GALNT13: variants seen among roughly 807,000 people sequenced by gnomAD.
GALNT13 encodes UDP-GalNAc:polypeptide N-acetylgalactosaminyltransferase 13.
GALNT13 carries 28 observed loss-of-function variants against 64.2 expected under a neutral mutation model. The observed-to-expected ratio is 0.44, with a 90% CI of 0.32 to 0.60. The LOEUF (loss-of-function observed/expected upper bound fraction) is 0.60, where lower values mean the gene tolerates loss of function less well. Among genes scored for constraint, GALNT13 ranks in the 20% least tolerant of loss-of-function variants. The pLI, the probability that GALNT13 is intolerant of heterozygous loss-of-function variation, is 0.05. For synonymous variants in GALNT13, 214 were observed against 224.6 expected (o/e 0.95, Z 0.42); for missense variants, 577 against 669.8 (o/e 0.86, Z 1.53).
chr2:153,465,547 AC>A, the GALNT13 span, among the ~76,000 whole-genome samples: 2 of 151,738 alleles, frequency 1.3e-5, no homozygotes, highest in Admixed American at 1.3e-4. Context: ...TAGTAAGGAA[AC>A]AAAATCCTGT....
intron 3 of GALNT13, among the ~76,000 whole-genome samples, chr2:153,996,266 A>T (rs1015898695): frequency 3.3e-5 from 5 of 152,138 alleles, no homozygotes; most frequent in African/African-American, 1.2e-4. Context: ...TTTTTCTATA[A>T]TGGATGTACT....
chr2:153,612,105 A>G, the GALNT13 span, among the ~76,000 whole-genome samples: 1 of 152,026 alleles, frequency 6.6e-6, no homozygotes, highest in Non-Finnish European at 1.5e-5. Flanking sequence ...CCAGTATATC[A>G]TTGACGGGCA....
At chr2:153,210,645 T>C in the GALNT13 span, among the ~76,000 whole-genome samples, 1 of 152,060 alleles carries the variant, frequency 6.6e-6, no homozygotes, top group Non-Finnish European at 1.5e-5. Flanking sequence ...CTGGTTTTGG[T>C]ATTTGGATAA....
At chr2:153,771,372 A>C in the GALNT13 span, among the ~76,000 whole-genome samples, 1 of 152,116 alleles carries the variant, frequency 6.6e-6, no homozygotes, top group African/African-American at 2.4e-5. Context: ...CCAGGTGTGG[A>C]GCAGAAGAAG....
chr2:154,172,502 C>G (rs1233753933), intron 4 of GALNT13, among the ~76,000 whole-genome samples: 1 of 151,968 alleles, frequency 6.6e-6, no homozygotes, highest in Non-Finnish European at 1.5e-5. Context: ...TTCATGACGT[C>G]CATACTTTTA....
At chr2:154,026,330 A>G (rs1286751280) in intron 3 of GALNT13, among the ~76,000 whole-genome samples, 1 of 152,120 alleles carries the variant, frequency 6.6e-6, no homozygotes, top group African/African-American at 2.4e-5. Flanking sequence ...CTGGCTTGCT[A>G]TTATTTTATG....
At chr2:153,806,845 TAAC>T in the GALNT13 span, among the ~76,000 whole-genome samples, 1 of 151,942 alleles carries the variant, frequency 6.6e-6, no homozygotes, top group African/African-American at 2.4e-5. Context: ...GAAAGGAACT[TAAC>T]AACATGCTGA....
At chr2:153,530,829 T>C in the GALNT13 span, among the ~76,000 whole-genome samples, 1 of 152,112 alleles carries the variant, frequency 6.6e-6, no homozygotes, top group African/African-American at 2.4e-5. Context: ...GAAAACTGGA[T>C]ACCCATATGC....
chr2:154,123,245 A>G (rs1450144020), intron 3 of GALNT13, among the ~76,000 whole-genome samples: 1 of 152,048 alleles, frequency 6.6e-6, no homozygotes, highest in Admixed American at 6.5e-5. Flanking sequence ...ACAGAGATGC[A>G]TAGGTATGCT....
chr2:154,197,614 G>C (rs1686949540), intron 4 of GALNT13, among the ~76,000 whole-genome samples: 1 of 151,698 alleles, frequency 6.6e-6, no homozygotes. Context: ...TATCATTTCA[G>C]GATAAAAAAG....
the GALNT13 span, among the ~76,000 whole-genome samples, chr2:153,222,781 A>G: frequency 6.6e-6 from 1 of 152,106 alleles, no homozygotes; most frequent in East Asian, 1.9e-4. Context: ...GCTCAGCCAC[A>G]ACTTTGCTCT....
intron 1 of GALNT13, among the ~76,000 whole-genome samples, chr2:153,877,503 A>G (rs1686462063): frequency 6.6e-6 from 1 of 152,194 alleles, no homozygotes; most frequent in Non-Finnish European, 1.5e-5. Flanking sequence ...GTAAATGTCA[A>G]CTTAGTCTCT....
At chr2:153,163,962 G>A in the GALNT13 span, among the ~76,000 whole-genome samples, 7 of 150,538 alleles carry the variant, frequency 4.6e-5, no homozygotes, top group Non-Finnish European at 7.4e-5. Context: ...AACTTGCAGT[G>A]AGCCGAGATC....
At chr2:153,581,857 T>A in the GALNT13 span, among the ~76,000 whole-genome samples, 2 of 152,162 alleles carry the variant, frequency 1.3e-5, no homozygotes, top group African/African-American at 4.8e-5. Flanking sequence ...TAATTTTGAC[T>A]ACATTTATTT....
the GALNT13 span, among the ~76,000 whole-genome samples, chr2:153,091,200 T>A: frequency 8.5e-5 from 13 of 152,072 alleles, no homozygotes; most frequent in African/African-American, 3.1e-4. Flanking sequence ...TGACTCCCCC[T>A]TCCCAATTGT....
chr2:153,917,342 G>A (rs7556725), intron 2 of GALNT13, among the ~76,000 whole-genome samples: 117,485 of 151,990 alleles, frequency 0.77, 45,809 homozygotes, highest in East Asian at 0.96. Flanking sequence ...TACCTATAGC[G>A]GTAATATAGA....
chr2:154,004,723 G>T (rs562989781), intron 3 of GALNT13, among the ~76,000 whole-genome samples: 52 of 152,284 alleles, frequency 3.4e-4, no homozygotes, highest in African/African-American at 1.2e-3. Flanking sequence ...TCTGATCTTT[G>T]AAGTGGTAGG....
chr2:154,066,393 A>G (rs1267977560), intron 3 of GALNT13, among the ~76,000 whole-genome samples: 2 of 152,162 alleles, frequency 1.3e-5, no homozygotes, highest in East Asian at 3.9e-4. Context: ...TAGAACACCA[A>G]GTAGATTTAG....
In GALNT13 at chr2:154,154,367, C is replaced by G. The variant is rs757999817; in HGVS notation, c.311+13862C>G. ...AACAACTCAATTAGAAAGTTGTTAA[C>G]TATCCATCCAAGCTCATTGGCCTGC... On this transcript the variant is annotated intron_variant, in intron 4 of 12. Transcript: ENST00000392825. Among the ~76,000 whole-genome samples, 78 of 152,186 alleles carry G rather than the reference C, an allele frequency of 5.1e-4. 1 individual carries two copies. The highest frequency in any genetic ancestry group is 9.4e-4 in the Non-Finnish European group (64 of 68,030).
Sources: gnomAD v4.1 joint callset for allele counts (sites outside exome capture counted in the v4.1 genomes callset) on GRCh38, gnomAD v4.1.1 for gene constraint, MANE v1.5 for transcripts, NCBI Gene and HGNC (gene_info 2026-07-23, HGNC 2026-07-21) for gene names.